The following PGM5 variants were observed in gnomAD, a reference collection of about 807,000 sequenced individuals.
PGM5 encodes the protein phosphoglucomutase 5.
PGM5 carries 23 observed loss-of-function variants against 59.2 expected under a neutral mutation model. The observed-to-expected ratio is 0.39, with a 90% CI of 0.28 to 0.55. The LOEUF is 0.55. Among genes scored for constraint, PGM5 ranks in the 20% least tolerant of loss-of-function variants. The pLI is 0.66. For missense variants in PGM5, 574 were observed against 748.3 expected, an observed-to-expected ratio of 0.77 and a Z score of 2.72; for synonymous variants, 214 against 286.0, an observed-to-expected ratio of 0.75 and a Z score of 2.54.
intron 7 of PGM5, among the ~76,000 whole-genome samples, chr9:68,471,893 T>C (rs1554686265): frequency 6.6e-6 from 1 of 150,764 alleles, no homozygotes; most frequent in African/African-American, 2.5e-5. Context: ...CACTCCAGCC[T>C]GGGTGACAGG....
chr9:68,367,258 A>G (rs1834696851), intron 1 of PGM5, among the ~76,000 whole-genome samples: 1 of 151,810 alleles, frequency 6.6e-6, no homozygotes, highest in Non-Finnish European at 1.5e-5. Context: ...CTGCTTTTCC[A>G]TCTGAAACCT....
At chr9:68,372,341 C>T (rs1169730358) in intron 1 of PGM5, among the ~76,000 whole-genome samples, 1 of 151,388 alleles carries the variant, frequency 6.6e-6, no homozygotes, top group African/African-American at 2.4e-5. Flanking sequence ...GGCTGCATCA[C>T]TCCAATCTTT....
At chr9:68,371,880 G>A (rs549438161) in intron 1 of PGM5, among the ~76,000 whole-genome samples, 3 of 152,208 alleles carry the variant, frequency 2.0e-5, no homozygotes, top group Non-Finnish European at 4.4e-5. Context: ...CAGAGGCAGA[G>A]ACTGGAGTGA....
chr9:68,509,074 G>A (rs1312276093), intron 10 of PGM5, among the ~76,000 whole-genome samples: 1 of 152,162 alleles, frequency 6.6e-6, no homozygotes, highest in Non-Finnish European at 1.5e-5. Context: ...TCATTCACAT[G>A]GGGAATACAG....
At chr9:68,516,188 C>A (rs1316267106) in intron 10 of PGM5, among the ~76,000 whole-genome samples, 1 of 152,102 alleles carries the variant, frequency 6.6e-6, no homozygotes, top group Admixed American at 6.5e-5. Context: ...TTATTATGTG[C>A]CATCAAAAAA....
chr9:68,425,819 A>G (rs781841069), intron 6 of PGM5, among the ~76,000 whole-genome samples: 1 of 152,220 alleles, frequency 6.6e-6, no homozygotes, highest in Non-Finnish European at 1.5e-5. Flanking sequence ...AAGTAAACTC[A>G]GGACACAAAA....
At chr9:68,466,156 T>C in intron 7 of PGM5, 1 of 1,301,042 alleles carries the variant, frequency 7.7e-7, no homozygotes. Context: ...TCTTCTTGTG[T>C]TTCAGTTTAG....
intron 10 of PGM5, 57 bp from the exon 11 acceptor site, chr9:68,529,510 A>T: frequency 8.2e-7 from 1 of 1,224,226 alleles, no homozygotes; most frequent in South Asian, 1.3e-5. Context: ...ATCCATCAGA[A>T]TGCCCCAAAA....
chr9:68,494,498 C>G (rs1350437543), intron 9 of PGM5, among the ~76,000 whole-genome samples: 2 of 152,222 alleles, frequency 1.3e-5, no homozygotes, highest in Non-Finnish European at 2.9e-5. Context: ...AGTTACTGCA[C>G]ATTAGAATCA....
chr9:68,428,568 A>G (rs567431092), intron 6 of PGM5: 2 of 152,306 alleles, frequency 1.3e-5, no homozygotes, highest in African/African-American at 4.8e-5. Context: ...CCAAGATCAC[A>G]TCTTGTGTTT....
chr9:68,392,050 T>G (rs1281609730), intron 5 of PGM5, among the ~76,000 whole-genome samples: 2 of 152,076 alleles, frequency 1.3e-5, no homozygotes, highest in East Asian at 3.9e-4. Flanking sequence ...TGTTCTCTAT[T>G]ATGTTTGGGA....
chr9:68,403,529 T>G (rs552269055), intron 6 of PGM5, among the ~76,000 whole-genome samples: 1 of 152,214 alleles, frequency 6.6e-6, no homozygotes, highest in Non-Finnish European at 1.5e-5. Flanking sequence ...TTATATAGTA[T>G]GTTGTTTGAT....
rs1176609845 is a variant in PGM5 at position 68,409,897 on chromosome 9, C to CA, written c.1043+17431dup. Among the ~76,000 whole-genome samples, 166 of 149,480 alleles carry CA rather than the reference C, an allele frequency of 1.1e-3. 2 individuals carry two copies. The Middle Eastern group carries it at 0.039, about 35-fold the overall frequency. ...TAAAAAAAAAAAAAAAAGAACAAAG[C>CA]AAAAAAATGTGAGTGTGTGACTGAG... On this transcript the variant is annotated intron_variant, in intron 6 of 10. Coordinates refer to ENST00000396396, the MANE Select transcript of PGM5 (RefSeq NM_021965.4).
chr9:68,464,988 A>G (rs1823910459), intron 6 of PGM5, 105 bp from the exon 7 acceptor site: 1 of 654,850 alleles, frequency 1.5e-6, no homozygotes. Flanking sequence ...TTGTTCTGAA[A>G]TCTAGCTATG....
At position 68,530,649 on chromosome 9, in the gene PGM5, T is replaced by C. The variant is rs890871035; in HGVS notation, c.*993T>C. 3.9e-5 allele frequency: 6 copies of C among 152,122 alleles called. No homozygotes were observed. The highest frequency in any genetic ancestry group is 8.8e-5 in the Non-Finnish European group (6 of 68,038). 9.4% of individuals were successfully genotyped at this position (152,122 alleles called of 1,614,324 possible). ...AATGCTGTAAAAGTAGGAAATGAAG[T>C]GGAAGCTGGAAGAAAATGTAATTGG... is the stretch of plus-strand genomic sequence containing the variant. On this transcript the variant is annotated 3_prime_UTR_variant, in exon 11 of 11. Coordinates refer to ENST00000396396, the MANE Select transcript of PGM5 (RefSeq NM_021965.4).
intron 6 of PGM5, among the ~76,000 whole-genome samples, chr9:68,406,900 A>T (rs1227483482): frequency 6.6e-6 from 1 of 151,054 alleles, no homozygotes; most frequent in East Asian, 2.0e-4. Flanking sequence ...GGCTGTGCTC[A>T]GGCCCCGTCT....
intron 4 of PGM5, among the ~76,000 whole-genome samples, chr9:68,390,969 C>T (rs1418221784): frequency 9.2e-5 from 14 of 151,814 alleles, no homozygotes; most frequent in African/African-American, 3.4e-4. Flanking sequence ...GCTTTGCATC[C>T]CTTCAATATG....
At chr9:68,439,328 T>A (rs534445325) in intron 6 of PGM5, among the ~76,000 whole-genome samples, 17 of 151,280 alleles carry the variant, frequency 1.1e-4, no homozygotes, top group Non-Finnish European at 2.1e-4. Flanking sequence ...TTCATGCCAC[T>A]GCACTCTAGC....
At chr9:68,389,508 T>C (rs1261209323) in intron 4 of PGM5, among the ~76,000 whole-genome samples, 5 of 152,138 alleles carry the variant, frequency 3.3e-5, no homozygotes, top group African/African-American at 1.2e-4. Flanking sequence ...ATGTCACCTT[T>C]TGCTTCAAGC....
Sources: gnomAD v4.1 joint callset for allele counts (sites outside exome capture counted in the v4.1 genomes callset) on GRCh38, gnomAD v4.1.1 for gene constraint, MANE v1.5 for transcripts, NCBI Gene and HGNC (gene_info 2026-07-23, HGNC 2026-07-21) for gene names.